Variants in ARSJ observed in about 807,000 individuals in gnomAD.
ARSJ encodes arylsulfatase J.
In ARSJ, 26 loss-of-function variants were observed where a neutral mutation model predicts 35.9. That is an observed-to-expected ratio of 0.72 (90% CI 0.53 to 1.00). ARSJ has a LOEUF of 1.00. Ranked by LOEUF, ARSJ falls within the 50% of genes least tolerant of loss-of-function variation. ARSJ has a pLI of 0.00. For missense variants in ARSJ, 667 were observed against 723.6 expected (o/e 0.92, Z 0.90); for synonymous variants, 294 against 267.6 (o/e 1.10, Z -0.96).
chr4:113,957,501 C>G (rs1726257434), intron 1 of ARSJ, among the ~76,000 whole-genome samples: 3 of 151,432 alleles, frequency 2.0e-5, no homozygotes, highest in Admixed American at 2.0e-4. Flanking sequence ...TTTTCTGAAA[C>G]AAATGTGGTC....
intron 1 of ARSJ, among the ~76,000 whole-genome samples, chr4:113,927,693 T>A (rs543248559): frequency 6.6e-6 from 1 of 152,312 alleles, no homozygotes; most frequent in African/African-American, 2.4e-5. Flanking sequence ...CAGCTACAAT[T>A]GGAGTCACTA....
rs1482542755 is a variant in ARSJ, at chr4:113,979,469, G to T, written c.-635C>A. ...CCCGACACTCACCAGGCGGCGAAGT[G>T]AGGAAGAAGCCGTTTCCTGATCTCC... On this transcript the variant is annotated 5_prime_UTR_variant, in exon 1 of 2. Transcript: ENST00000315366. The T allele has an allele frequency of 6.6e-6, 1 of 152,406 alleles. No homozygotes were observed. Among genetic ancestry groups the T allele is most frequent in the African/African-American group, 2.4e-5 (1 of 41,472 alleles). 9.4% of individuals were successfully genotyped at this position (152,406 alleles called of 1,614,324 possible).
Position 113,978,518 on chromosome 4 carries a change from A to T in ARSJ, c.317T>A (p.Leu106His), listed in dbSNP as rs1450638331. ...SEIKTPTLDK[L>H]AAEGVKLENY... is the part of the protein sequence containing the mutation. ...CTCCAGTTTAACTCCTTCGGCAGCG[A>T]GCTTGTCAAGAGTAGGTGTTTTAAT... Residue 106 changes from leucine (L) to histidine (H), a missense_variant, in exon 1 of 2, where the codon CTC (leucine) becomes CAC (histidine). Coordinates refer to ENST00000315366, the MANE Select transcript of ARSJ (RefSeq NM_024590.4). The T allele has an allele frequency of 6.2e-7, 1 of 1,614,154 alleles. No homozygotes were observed. The highest frequency in any genetic ancestry group is 1.7e-5 in the Admixed American group (1 of 60,030).
chr4:113,911,902 C>G (rs1340876356), intron 1 of ARSJ, among the ~76,000 whole-genome samples: 1 of 152,102 alleles, frequency 6.6e-6, no homozygotes. Context: ...GTACTTATGG[C>G]TAGCCCATTA....
At chr4:113,962,745 T>A (rs112973009) in intron 1 of ARSJ, among the ~76,000 whole-genome samples, 3,431 of 152,132 alleles carry the variant, frequency 0.023, 52 homozygotes, top group Middle Eastern at 0.044. Flanking sequence ...ACTAAAGCAG[T>A]TCTGTTAAAA....
At chr4:113,955,194 C>T (rs1455465404) in intron 1 of ARSJ, among the ~76,000 whole-genome samples, 3 of 151,954 alleles carry the variant, frequency 2.0e-5, no homozygotes, top group African/African-American at 7.2e-5. Context: ...ACTAAAGCCA[C>T]TTCTCAGAGT....
intron 1 of ARSJ, among the ~76,000 whole-genome samples, chr4:113,951,331 G>C (rs1454252557): frequency 2.0e-5 from 3 of 152,042 alleles, no homozygotes; most frequent in Non-Finnish European, 4.4e-5. Context: ...AGTTGTTTCA[G>C]TTATTTCAGC....
chr4:113,950,257 T>C (rs1240689093), intron 1 of ARSJ, among the ~76,000 whole-genome samples: 1 of 152,064 alleles, frequency 6.6e-6, no homozygotes, highest in Non-Finnish European at 1.5e-5. Context: ...AGGAAATCCA[T>C]CATAGAAAAG....
chr4:113,964,707 A>C (rs763583966), intron 1 of ARSJ, among the ~76,000 whole-genome samples: 1 of 152,098 alleles, frequency 6.6e-6, no homozygotes, highest in Non-Finnish European at 1.5e-5. Context: ...GTTAAAGATC[A>C]AAACTCTACC....
chr4:113,935,619 GA>G (rs1345451899), intron 1 of ARSJ, among the ~76,000 whole-genome samples: 2 of 151,864 alleles, frequency 1.3e-5, no homozygotes, highest in Admixed American at 1.3e-4. Flanking sequence ...CATGCATTCT[GA>G]AATAAAGTTA....
chr4:113,930,558 GT>G (rs1724370345), intron 1 of ARSJ, among the ~76,000 whole-genome samples: 1 of 152,044 alleles, frequency 6.6e-6, no homozygotes, highest in South Asian at 2.1e-4. Flanking sequence ...ATAATTGGTA[GT>G]TTTTGCTCTT....
intron 1 of ARSJ, among the ~76,000 whole-genome samples, chr4:113,906,959 A>G (rs2099668928): frequency 6.6e-6 from 1 of 152,190 alleles, no homozygotes; most frequent in Non-Finnish European, 1.5e-5. Flanking sequence ...GAGAAGTCAG[A>G]TTTTTTAAGT....
Position 113,902,742 on chromosome 4 carries a change from T to C in ARSJ, c.1332A>G (p.Ala444=), listed in dbSNP as rs1218104234. The C allele has an allele frequency of 1.2e-6, 2 of 1,614,106 alleles. No individual in the cohort carries two copies. The highest frequency in any genetic ancestry group is 1.3e-5 in the African/African-American group (1 of 74,944). Residue 444 remains alanine (A), a synonymous_variant, in exon 2 of 2, where the codon GCA becomes GCG. Transcript: ENST00000315366. ...GCTGCACTCTGATGGCTGACTGGAT[T>C]GCAGTGTTCCAGATCCCATAGCCTG... The part of the protein sequence containing the change: ...WAAGYGIWNT[A]IQSAIRVQHW...
chr4:113,969,564 CAATT>C (rs1467135753), intron 1 of ARSJ, among the ~76,000 whole-genome samples: 1 of 151,964 alleles, frequency 6.6e-6, no homozygotes, highest in East Asian at 1.9e-4. Context: ...TATGTTATGT[CAATT>C]GATGAGTAGA....
chr4:113,935,692 T>C (rs1724724725), intron 1 of ARSJ, among the ~76,000 whole-genome samples: 1 of 151,924 alleles, frequency 6.6e-6, no homozygotes, highest in African/African-American at 2.4e-5. Context: ...TGTGTATATG[T>C]ATGTCCACGG....
At chr4:113,926,832 C>G (rs1054716043) in intron 1 of ARSJ, among the ~76,000 whole-genome samples, 1 of 152,146 alleles carries the variant, frequency 6.6e-6, no homozygotes, top group Non-Finnish European at 1.5e-5. Context: ...CAAGAGCTGT[C>G]CCTCAAAAGG....
At chr4:113,908,944 G>T (rs1336413099) in intron 1 of ARSJ, among the ~76,000 whole-genome samples, 4 of 151,962 alleles carry the variant, frequency 2.6e-5, no homozygotes, top group African/African-American at 9.7e-5. Flanking sequence ...GTTTAGAAAA[G>T]AATTTTTCTA....
intron 1 of ARSJ, among the ~76,000 whole-genome samples, chr4:113,972,178 C>T (rs973116677): frequency 7.9e-5 from 12 of 151,750 alleles, no homozygotes; most frequent in Admixed American, 4.6e-4. Flanking sequence ...CCAGAGCTCC[C>T]GACTGAGTGC....
chr4:113,959,840 A>C (rs549482067), intron 1 of ARSJ, among the ~76,000 whole-genome samples: 5 of 152,172 alleles, frequency 3.3e-5, no homozygotes, highest in South Asian at 4.1e-4. Flanking sequence ...CAGAGCTAAA[A>C]GTCAGAATAT....
Sources: allele counts gnomAD v4.1 joint callset (sites outside exome capture counted in the v4.1 genomes callset), GRCh38; gene constraint gnomAD v4.1.1; transcripts MANE v1.5; gene names NCBI Gene and HGNC (gene_info 2026-07-23, HGNC 2026-07-21).